DPF3: variants seen among roughly 807,000 people sequenced by gnomAD.
DPF3 encodes the protein zinc finger protein DPF3.
In DPF3, 18 loss-of-function variants were observed where a neutral mutation model predicts 56.8. The ratio of observed to expected loss-of-function variants is 0.32; its 90% CI spans 0.22 to 0.47. The LOEUF is 0.47. Among genes scored for constraint, DPF3 ranks in the 20% least tolerant of loss-of-function variants. The pLI, the probability that DPF3 is intolerant of heterozygous loss-of-function variation, is 1.00. For missense variants in DPF3, 403 were observed against 488.8 expected, an observed-to-expected ratio of 0.82 and a Z score of 1.65; for synonymous variants, 188 against 180.2, an observed-to-expected ratio of 1.04 and a Z score of -0.35.
chr14:72,800,419 T>C (rs61495904), intron 1 of DPF3, among the ~76,000 whole-genome samples: 27 of 139,584 alleles, frequency 1.9e-4, no homozygotes, highest in Admixed American at 1.7e-3. Context: ...GATGGATGGA[T>C]GGACGGACAC....
intron 8 of DPF3, among the ~76,000 whole-genome samples, chr14:72,641,052 T>A: frequency 6.6e-6 from 1 of 152,022 alleles, no homozygotes; most frequent in East Asian, 1.9e-4. Context: ...GAGAGGCACC[T>A]CATGACATCC....
At chr14:72,770,359 G>C (rs565221428) in intron 2 of DPF3, among the ~76,000 whole-genome samples, 1 of 152,346 alleles carries the variant, frequency 6.6e-6, no homozygotes, top group East Asian at 1.9e-4. Context: ...GAGAAACCCA[G>C]AGATGTTAAA....
At chr14:72,822,673 G>A (rs1347139059) in intron 1 of DPF3, among the ~76,000 whole-genome samples, 1 of 151,938 alleles carries the variant, frequency 6.6e-6, no homozygotes, top group African/African-American at 2.4e-5. Flanking sequence ...CCATATACAG[G>A]TTTTTCTTTT....
rs536831985 is a variant in DPF3 at position 72,611,590 on chromosome 14, G to A, written c.*7707C>T. 6.6e-6 allele frequency among the ~76,000 whole-genome samples: 1 copy of A among 152,190 alleles called. No homozygotes were observed. The highest frequency in any genetic ancestry group is 2.4e-5 in the African/African-American group (1 of 41,526). On this transcript the variant is annotated 3_prime_UTR_variant, in exon 11 of 11. Transcript: ENST00000556509. ...GGGGTCATTTTCTGCCTCTGATCAGGCCCTGCCAGTTGCACCTCCCTGCCT... is the reference window on the plus strand; with the variant it reads ...GGGGTCATTTTCTGCCTCTGATCAGACCCTGCCAGTTGCACCTCCCTGCCT...
chr14:72,886,770 A>C (rs1272274388), intron 1 of DPF3, among the ~76,000 whole-genome samples: 1 of 152,042 alleles, frequency 6.6e-6, no homozygotes, highest in African/African-American at 2.4e-5. Context: ...CACCAAAGAA[A>C]AGCCTGATAA....
chr14:72,705,290 G>A (rs1447542060), intron 6 of DPF3, among the ~76,000 whole-genome samples: 1 of 151,784 alleles, frequency 6.6e-6, no homozygotes, highest in Non-Finnish European at 1.5e-5. Flanking sequence ...CACTCCTTAT[G>A]AGAATCTAAT....
intron 1 of DPF3, among the ~76,000 whole-genome samples, chr14:72,810,155 G>A (rs1310611503): frequency 2.0e-5 from 3 of 152,212 alleles, no homozygotes; most frequent in Admixed American, 6.5e-5. Context: ...GGGCAATGAA[G>A]CCTCAGATAC....
At chr14:72,725,808 G>A (rs1889384951) in intron 4 of DPF3, among the ~76,000 whole-genome samples, 1 of 152,106 alleles carries the variant, frequency 6.6e-6, no homozygotes, top group African/African-American at 2.4e-5. Flanking sequence ...CACTGCCCCT[G>A]GCTAGAATGT....
chr14:72,748,645 A>T (rs1434611270), intron 3 of DPF3, among the ~76,000 whole-genome samples: 3 of 152,150 alleles, frequency 2.0e-5, no homozygotes, highest in African/African-American at 7.2e-5. Context: ...TAGGAGAAAG[A>T]AATGGTTGTG....
intron 1 of DPF3, among the ~76,000 whole-genome samples, chr14:72,881,112 T>A (rs1407257800): frequency 6.6e-6 from 1 of 152,166 alleles, no homozygotes; most frequent in Non-Finnish European, 1.5e-5. Flanking sequence ...AAAGCCATCA[T>A]CCTCCTGCAG....
chr14:72,801,878 C>T (rs1411300328), intron 1 of DPF3, among the ~76,000 whole-genome samples: 3 of 152,170 alleles, frequency 2.0e-5, no homozygotes, highest in Non-Finnish European at 2.9e-5. Flanking sequence ...TAGAGTTTCA[C>T]ATAAAACACC....
At chr14:72,694,769 T>C (rs1396336042) in intron 6 of DPF3, among the ~76,000 whole-genome samples, 2 of 152,252 alleles carry the variant, frequency 1.3e-5, no homozygotes, top group Admixed American at 6.5e-5. Flanking sequence ...TTTAGAACGA[T>C]GTATCTGGCT....
chr14:72,785,237 T>C (rs1892161373), intron 1 of DPF3, among the ~76,000 whole-genome samples: 1 of 152,240 alleles, frequency 6.6e-6, no homozygotes, highest in South Asian at 2.1e-4. Flanking sequence ...CTAATATTTA[T>C]TGAGCATTTA....
At chr14:72,708,499 G>C (rs752662523) in intron 6 of DPF3, among the ~76,000 whole-genome samples, 1 of 152,220 alleles carries the variant, frequency 6.6e-6, no homozygotes, top group Non-Finnish European at 1.5e-5. Context: ...GACAAAGGCA[G>C]TGAGCCTGAA....
intron 8 of DPF3, among the ~76,000 whole-genome samples, chr14:72,669,072 C>T (rs1886556280): frequency 6.6e-6 from 1 of 152,198 alleles, no homozygotes; most frequent in African/African-American, 2.4e-5. Context: ...TCCCTCAAAA[C>T]TGAGAATAAA....
chr14:72,621,448 A>G (rs986924961), intron 9 of DPF3, among the ~76,000 whole-genome samples: 2 of 152,154 alleles, frequency 1.3e-5, no homozygotes, highest in African/African-American at 4.8e-5. Context: ...CTTGGCCCCC[A>G]CCAGTGCAGA....
intron 4 of DPF3, among the ~76,000 whole-genome samples, chr14:72,730,063 T>A (rs1327250592): frequency 6.6e-6 from 1 of 152,060 alleles, no homozygotes; most frequent in Non-Finnish European, 1.5e-5. Flanking sequence ...GCTGTGAACC[T>A]AAAACTGCTG....
At chr14:72,781,801 C>A (rs1356283973) in intron 1 of DPF3, among the ~76,000 whole-genome samples, 3 of 152,088 alleles carry the variant, frequency 2.0e-5, no homozygotes, top group African/African-American at 7.2e-5. Context: ...CAAATGGCAT[C>A]CAGACGTGAC....
intron 5 of DPF3, among the ~76,000 whole-genome samples, chr14:72,720,729 T>G (rs1431622267): frequency 6.6e-6 from 1 of 152,240 alleles, no homozygotes; most frequent in Non-Finnish European, 1.5e-5. Flanking sequence ...GTTCAAATCT[T>G]AGCCTCTTCC....
Sources: gnomAD v4.1 joint callset for allele counts (sites outside exome capture counted in the v4.1 genomes callset) on GRCh38, gnomAD v4.1.1 for gene constraint, MANE v1.5 for transcripts, NCBI Gene and HGNC (gene_info 2026-07-23, HGNC 2026-07-21) for gene names.